SPNS2: variants seen among roughly 807,000 people sequenced by gnomAD.
The protein encoded by SPNS2 is SPNS lysolipid transporter 2, sphingosine-1-phosphate, also known as sphingosine-1-phosphate transporter SPNS2.
In SPNS2, 37 loss-of-function variants were observed where a neutral mutation model predicts 57.6. The observed-to-expected ratio is 0.64, with a 90% confidence interval of 0.49 to 0.85. SPNS2 has a LOEUF of 0.85. Among genes scored for constraint, SPNS2 ranks in the 40% least tolerant of loss-of-function variants. SPNS2 has a pLI of 0.00. For synonymous variants in SPNS2, 440 were observed against 346.9 expected (o/e 1.27, Z -2.98); for missense variants, 831 against 779.1 (o/e 1.07, Z -0.79).
intron 5 of SPNS2, 100 bp from the exon 6 acceptor site, chr17:4,532,442 C>T: frequency 6.4e-7 from 1 of 1,552,364 alleles, no homozygotes; most frequent in Non-Finnish European, 8.8e-7. Flanking sequence ...GAGGAGAAGC[C>T]TATGGCCCAG....
chr17:4,533,934 G>C, intron 9 of SPNS2, 81 bp downstream of exon 9: 11 of 806,044 alleles, frequency 1.4e-5, no homozygotes, highest in Non-Finnish European at 1.9e-5. Flanking sequence ...GAGGGCGGGT[G>C]AAGGGGCGGG....
chr17:4,513,177 AG>A, intron 1 of SPNS2, 69 bp from the exon 2 acceptor site: 1 of 1,545,932 alleles, frequency 6.5e-7, no homozygotes, highest in South Asian at 1.1e-5. Flanking sequence ...GGCGGGAAAG[AG>A]GCTGGGCTGG....
At chr17:4,533,735 GGTTGCT>G in intron 8 of SPNS2, 47 bp from the exon 9 acceptor site, 1 of 1,595,170 alleles carries the variant, frequency 6.3e-7, no homozygotes, top group South Asian at 1.1e-5. Context: ...CAGAGACTGT[GGTTGCT>G]GCGGATGGAG....
intron 2 of SPNS2, among the ~76,000 whole-genome samples, chr17:4,520,484 G>T (rs1905111938): frequency 6.6e-6 from 1 of 152,156 alleles, no homozygotes; most frequent in Non-Finnish European, 1.5e-5. Flanking sequence ...CTACCATGGT[G>T]TTGGGGGGCG....
rs755610572 is a variant in SPNS2 at position 4,537,898 on chromosome 17, G to A, written c.*450G>A. 2.4e-5 allele frequency: 10 copies of A among 421,954 alleles called. No individual in the cohort carries two copies. Among genetic ancestry groups the A allele is most frequent in the East Asian group, 1.4e-4 (2 of 13,834 alleles). The allele number at this position is 421,954 out of a possible 1,614,324, so 26.1% of individuals were successfully genotyped here. On this transcript the variant is annotated 3_prime_UTR_variant, in exon 13 of 13. Transcript: ENST00000329078. ...CTCAACAGACCCTGGACCATACGGAGAGCAGGTGGCCCAGGCCTCAGGGCG... is the reference window on the plus strand; with the variant it reads ...CTCAACAGACCCTGGACCATACGGAAAGCAGGTGGCCCAGGCCTCAGGGCG...
At position 4,510,301 on chromosome 17, in the gene SPNS2, G is replaced by A. The variant is rs1278889638; in HGVS notation, c.371-2946G>A. Reference sequence around the variant, plus strand: ...ACTGGGCGCTGGGGAGTGGTGGGACGGGAGCAGGCCATGTTATCCAAAAGC... The same window carrying A: ...ACTGGGCGCTGGGGAGTGGTGGGACAGGAGCAGGCCATGTTATCCAAAAGC... On this transcript the variant is annotated intron_variant, in intron 1 of 12. Transcript: ENST00000329078. This position sits in a 1 kb window ranked among gnomAD's most constrained non-coding sequence, Gnocchi z 4.4. 3.3e-5 allele frequency among the ~76,000 whole-genome samples: 5 copies of A among 152,318 alleles called. No individual in the cohort carries two copies. Among genetic ancestry groups the A allele is most frequent in the Non-Finnish European group, 2.9e-5 (2 of 68,026 alleles).
chr17:4,532,889 G>T, intron 6 of SPNS2, 88 bp from the exon 7 acceptor site: 1 of 1,523,692 alleles, frequency 6.6e-7, no homozygotes, highest in Non-Finnish European at 8.8e-7. Context: ...GAGGCATTTG[G>T]GGGCCTCCTG....
rs1904876538 is a variant in SPNS2 at position 4,512,816 on chromosome 17, C to T, written c.371-431C>T. ...GGTGAACCAGAGTGAGCGGCTGCCC[C>T]TCCCAGGCCAGAGGGCTCCCCGCAG... On this transcript the variant is annotated intron_variant, in intron 1 of 12. Transcript: ENST00000329078. The surrounding 1 kb of genome is among the most constrained non-coding windows in gnomAD (Gnocchi z 5.2). Among the ~76,000 whole-genome samples the T allele has an allele frequency of 6.7e-6, 1 of 149,064 alleles. No homozygotes were observed. The highest frequency in any genetic ancestry group is 1.5e-5 in the Non-Finnish European group (1 of 65,778).
chr17:4,505,604 G>A (rs1475520335), intron 1 of SPNS2, among the ~76,000 whole-genome samples: 1 of 152,228 alleles, frequency 6.6e-6, no homozygotes, highest in African/African-American at 2.4e-5. Context: ...GCTTTGCCCT[G>A]TCTCTTCTGC....
At chr17:4,508,696 C>T (rs1904748194) in intron 1 of SPNS2, among the ~76,000 whole-genome samples, 1 of 152,166 alleles carries the variant, frequency 6.6e-6, no homozygotes, top group South Asian at 2.1e-4. Context: ...CCCACTGGGC[C>T]AATACTCGTA....
chr17:4,528,306 AGCCACTGTGCCGG>A (rs1415691678), intron 3 of SPNS2, among the ~76,000 whole-genome samples: 7 of 152,094 alleles, frequency 4.6e-5, no homozygotes, highest in Non-Finnish European at 1.0e-4. Context: ...TATAGGTGTG[AGCCACTGTGCCGG>A]GCCCTGTGAG....
intron 2 of SPNS2, among the ~76,000 whole-genome samples, chr17:4,522,946 C>T (rs1357678531): frequency 5.3e-5 from 8 of 152,356 alleles, no homozygotes; most frequent in Admixed American, 5.2e-4. Flanking sequence ...CTCATGTTTT[C>T]CTTTCTCACC....
intron 2 of SPNS2, among the ~76,000 whole-genome samples, chr17:4,513,916 C>T (rs1002154554): frequency 6.6e-6 from 1 of 152,230 alleles, no homozygotes; most frequent in African/African-American, 2.4e-5. Flanking sequence ...GATGGGCTGC[C>T]AGAGCAGGGC....
intron 9 of SPNS2, among the ~76,000 whole-genome samples, chr17:4,534,581 TG>T (rs1387522498): frequency 6.6e-6 from 1 of 152,072 alleles, no homozygotes; most frequent in Non-Finnish European, 1.5e-5. Flanking sequence ...TGCCCCAGCA[TG>T]GGACAGCCCG....
rs964583165 is a variant in SPNS2 at position 4,538,686 on chromosome 17, G to C, written c.*1238G>C. 1 of 576,766 alleles carries C rather than the reference G, an allele frequency of 1.7e-6. No homozygotes were observed. The highest frequency in any genetic ancestry group is 3.1e-6 in the Non-Finnish European group (1 of 324,360). The allele number at this position is 576,766 out of a possible 1,614,324, so 35.7% of individuals were successfully genotyped here. ...TGGGGGACCCCCCAAGAGCCAGCTT[G>C]GACAATGCTCTTCTTGCCCCTTAGT... is the stretch of plus-strand genomic sequence containing the variant. On this transcript the variant is annotated 3_prime_UTR_variant, in exon 13 of 13. Coordinates refer to ENST00000329078, the MANE Select transcript of SPNS2 (RefSeq NM_001124758.3).
chr17:4,531,322 G>A (rs62064930), intron 5 of SPNS2, among the ~76,000 whole-genome samples: 4,033 of 152,334 alleles, frequency 0.026, 77 homozygotes, highest in Middle Eastern at 0.054. Context: ...GTCAGAGCCA[G>A]ACACAGCCCC....
At chr17:4,503,191 C>T (rs754197108) in intron 1 of SPNS2, among the ~76,000 whole-genome samples, 2 of 152,240 alleles carry the variant, frequency 1.3e-5, no homozygotes, top group Non-Finnish European at 1.5e-5. Context: ...CCAGCCAGAG[C>T]GGCATCCTCT....
intron 2 of SPNS2, among the ~76,000 whole-genome samples, chr17:4,520,323 G>T (rs1338540699): frequency 1.3e-5 from 2 of 152,218 alleles, no homozygotes; most frequent in East Asian, 3.9e-4. Context: ...AAACCAGGGA[G>T]GGGTTGAAAG....
chr17:4,538,278 G>A lies in SPNS2; in HGVS notation c.*830G>A. 5.3e-6 allele frequency: 1 copy of A among 190,074 alleles called. No homozygotes were observed. Among genetic ancestry groups the A allele is most frequent in the South Asian group, 1.1e-4 (1 of 9,212 alleles). The allele number at this position is 190,074 out of a possible 1,614,324, so 11.8% of individuals were successfully genotyped here. ...AGCCAGGACCCCACTCCTTCCCCGAGGCTGAGCTGAGCCTTTTCCAGGGGC... is the reference window on the plus strand; with the variant it reads ...AGCCAGGACCCCACTCCTTCCCCGAAGCTGAGCTGAGCCTTTTCCAGGGGC... On this transcript the variant is annotated 3_prime_UTR_variant, in exon 13 of 13. Transcript: ENST00000329078.
Sources: allele counts gnomAD v4.1 joint callset (sites outside exome capture counted in the v4.1 genomes callset), GRCh38; gene constraint gnomAD v4.1.1; non-coding constraint Gnocchi (gnomAD v3.1); transcripts MANE v1.5; gene names NCBI Gene and HGNC (gene_info 2026-07-23, HGNC 2026-07-21).